Variants in GABRB3 observed in about 807,000 individuals in gnomAD.
GABRB3 encodes the protein gamma-aminobutyric acid type A receptor subunit beta3.
A neutral mutation model predicts 52.1 loss-of-function variants in GABRB3; 14 were observed. The observed-to-expected ratio is 0.27, with a 90% CI of 0.18 to 0.42. The LOEUF (loss-of-function observed/expected upper bound fraction) is 0.42, where lower values mean the gene tolerates loss of function less well. Ranked by LOEUF, GABRB3 falls within the 10% of genes least tolerant of loss-of-function variation. The probability of loss-of-function intolerance (pLI) is 1.00; values close to 1 mark genes in which losing one functional copy is unlikely to be tolerated. For missense variants in GABRB3, 307 were observed against 609.1 expected (o/e 0.50, Z 5.22); for synonymous variants, 260 against 232.3 (o/e 1.12, Z -1.08).
intron 3 of GABRB3, among the ~76,000 whole-genome samples, chr15:26,763,158 G>A (rs1890866332): frequency 1.3e-5 from 2 of 152,124 alleles, no homozygotes; most frequent in Non-Finnish European, 2.9e-5. Context: ...ATTCTTGGAG[G>A]GCACCTGGCA....
At chr15:26,760,053 G>T (rs1890771625) in intron 3 of GABRB3, among the ~76,000 whole-genome samples, 1 of 152,202 alleles carries the variant, frequency 6.6e-6, no homozygotes, top group Non-Finnish European at 1.5e-5. Context: ...GTACAAAGTA[G>T]CTGAGGCTCA....
In GABRB3 at chr15:26,547,782, A is replaced by G. The variant is rs1423919606; in HGVS notation, c.*11T>C. 2 of 1,608,340 alleles carry G rather than the reference A, an allele frequency of 1.2e-6. No individual in the cohort carries two copies. The highest frequency in any genetic ancestry group is 1.7e-5 in the Admixed American group (1 of 59,994). Reference sequence around the variant, plus strand: ...GTTAAATGAAGTCTTTGAAAAATCAAGTACAGTCACTCAGTTAACATAGTA... The same window carrying G: ...GTTAAATGAAGTCTTTGAAAAATCAGGTACAGTCACTCAGTTAACATAGTA... On this transcript the variant is annotated 3_prime_UTR_variant, in exon 9 of 9. Transcript: ENST00000311550.
At chr15:26,698,043 G>A (rs1888800733) in intron 3 of GABRB3, among the ~76,000 whole-genome samples, 1 of 152,190 alleles carries the variant, frequency 6.6e-6, no homozygotes, top group Non-Finnish European at 1.5e-5. Flanking sequence ...AACTAAGCAA[G>A]CCTCTGTGAA....
At chr15:26,704,970 T>C (rs1338216889) in intron 3 of GABRB3, among the ~76,000 whole-genome samples, 2 of 152,214 alleles carry the variant, frequency 1.3e-5, no homozygotes, top group Non-Finnish European at 2.9e-5. Flanking sequence ...ACTTCAGAAC[T>C]GTCCCAAGCA....
intron 3 of GABRB3, among the ~76,000 whole-genome samples, chr15:26,701,775 A>G (rs1888943216): frequency 6.6e-6 from 1 of 152,216 alleles, no homozygotes; most frequent in African/African-American, 2.4e-5. Context: ...GCATAGCCAA[A>G]ACAACATTTT....
At position 26,547,499 on chromosome 15, in the gene GABRB3, A is replaced by T. The variant is rs766981911; in HGVS notation, c.*294T>A. The T allele has an allele frequency of 9.1e-5, 46 of 504,768 alleles. No individual in the cohort carries two copies. Among genetic ancestry groups the T allele is most frequent in the Non-Finnish European group, 1.3e-4 (39 of 289,258 alleles). The allele number at this position is 504,768 out of a possible 1,614,324, so 31.3% of individuals were successfully genotyped here. On this transcript the variant is annotated 3_prime_UTR_variant, in exon 9 of 9. Coordinates refer to ENST00000311550, the MANE Select transcript of GABRB3 (RefSeq NM_000814.6). ...AAGAAAAAAACTATGACTTTCTTTAATATGCATCCTGTGGTAAATTGTCCA... is the reference window on the plus strand; with the variant it reads ...AAGAAAAAAACTATGACTTTCTTTATTATGCATCCTGTGGTAAATTGTCCA...
intron 3 of GABRB3, among the ~76,000 whole-genome samples, chr15:26,696,457 C>T (rs944750584): frequency 6.6e-6 from 1 of 152,160 alleles, no homozygotes. Context: ...CAGGATTGCA[C>T]TCCAAACTTT....
intron 6 of GABRB3, among the ~76,000 whole-genome samples, chr15:26,574,370 T>C (rs879315553): frequency 6.6e-6 from 1 of 152,154 alleles, no homozygotes; most frequent in African/African-American, 2.4e-5. Flanking sequence ...CAAAAGGATG[T>C]TACCCTATAT....
intron 4 of GABRB3, among the ~76,000 whole-genome samples, chr15:26,610,620 G>A (rs965792932): frequency 2.0e-5 from 3 of 152,162 alleles, no homozygotes; most frequent in African/African-American, 4.8e-5. Flanking sequence ...ATGGGAAAGT[G>A]GGATGGAGTT....
chr15:26,773,530 C>A, upstream of GABRB3: 2 of 695,962 alleles, frequency 2.9e-6, no homozygotes, highest in Non-Finnish European at 2.2e-6. Flanking sequence ...GCACGACGAC[C>A]ACCGCCCGCT....
At chr15:26,569,283 T>C (rs1260983497) in intron 6 of GABRB3, 2 of 152,218 alleles carry the variant, frequency 1.3e-5, no homozygotes, top group Admixed American at 6.5e-5. Flanking sequence ...CAGGATTATA[T>C]AAAAGAGAAA....
chr15:26,739,212 TC>T (rs1018988469), intron 3 of GABRB3, among the ~76,000 whole-genome samples: 2 of 151,934 alleles, frequency 1.3e-5, no homozygotes, highest in Non-Finnish European at 2.9e-5. Flanking sequence ...CACTTGGCCG[TC>T]CTACATCACA....
chr15:26,620,424 C>A (rs1177192724), intron 4 of GABRB3, among the ~76,000 whole-genome samples: 1 of 152,130 alleles, frequency 6.6e-6, no homozygotes, highest in African/African-American at 2.4e-5. Flanking sequence ...CTGTTAAAGT[C>A]TTAGTTCAAA....
At chr15:26,570,240 T>C (rs891887037) in intron 6 of GABRB3, among the ~76,000 whole-genome samples, 1 of 152,236 alleles carries the variant, frequency 6.6e-6, no homozygotes, top group Non-Finnish European at 1.5e-5. Flanking sequence ...TGAAAACATA[T>C]GTGGATTTTG....
chr15:26,718,850 T>C (rs889829920), intron 3 of GABRB3, among the ~76,000 whole-genome samples: 9 of 151,582 alleles, frequency 5.9e-5, no homozygotes, highest in African/African-American at 2.2e-4. Context: ...CCTCTTGGGC[T>C]CAGCTCGCAA....
intron 3 of GABRB3, among the ~76,000 whole-genome samples, chr15:26,670,878 T>C (rs1282920086): frequency 6.6e-6 from 1 of 152,196 alleles, no homozygotes; most frequent in Non-Finnish European, 1.5e-5. Flanking sequence ...CTATGAGATA[T>C]TTACTTTTTA....
At chr15:26,713,871 G>A (rs1390284894) in intron 3 of GABRB3, among the ~76,000 whole-genome samples, 2 of 152,208 alleles carry the variant, frequency 1.3e-5, no homozygotes, top group Non-Finnish European at 2.9e-5. Flanking sequence ...GACCCAAGAA[G>A]GAAGCAAACC....
At chr15:26,634,025 A>G (rs1892977207) in intron 3 of GABRB3, among the ~76,000 whole-genome samples, 1 of 152,164 alleles carries the variant, frequency 6.6e-6, no homozygotes, top group South Asian at 2.1e-4. Context: ...TTCAATAAGC[A>G]TTCCCTTTGC....
intron 3 of GABRB3, chr15:26,629,152 C>A (rs373708366): frequency 6.6e-7 from 1 of 1,510,050 alleles, no homozygotes. Flanking sequence ...GGCGCAGGGG[C>A]GGAGTGTGGG....
Sources: gnomAD v4.1 joint callset for allele counts (sites outside exome capture counted in the v4.1 genomes callset) on GRCh38, gnomAD v4.1.1 for gene constraint, MANE v1.5 for transcripts, NCBI Gene and HGNC (gene_info 2026-07-23, HGNC 2026-07-21) for gene names.